ECE1: variants seen among roughly 807,000 people sequenced by gnomAD.
ECE1 encodes endothelin-converting enzyme 1.
ECE1 carries 35 observed loss-of-function variants against 98.6 expected under a neutral mutation model. The observed-to-expected ratio is 0.35, with a 90% confidence interval of 0.27 to 0.47. The LOEUF (loss-of-function observed/expected upper bound fraction) is 0.47, where lower values mean the gene tolerates loss of function less well. ECE1 is among the 20% of genes least tolerant of loss of function. The pLI is 1.00. For missense variants in ECE1, 814 were observed against 1,025.3 expected (o/e 0.79, Z 2.81); for synonymous variants, 394 against 407.1 (o/e 0.97, Z 0.39).
chr1:21,308,015 C>A (rs1638636814), intron 1 of ECE1, among the ~76,000 whole-genome samples: 1 of 152,142 alleles, frequency 6.6e-6, no homozygotes, highest in Non-Finnish European at 1.5e-5. Flanking sequence ...CTCAAAACCT[C>A]CCTGGCTCAC....
Position 21,225,272 on chromosome 1 carries a change from C to G in ECE1, c.2018G>C (p.Gly673Ala), listed in dbSNP as rs762116179. The change falls in exon 17 of 19, where the codon GGG becomes GCG. Residue 673 changes from glycine (G) to alanine (A), a missense_variant. Gly to Ala is a moderately conservative substitution (Grantham distance 60). Transcript: ENST00000374893. The surrounding 1 kb of genome is among the most constrained non-coding windows in gnomAD (Gnocchi z 5.3). ...CACCCGATAGGCCGCCTTGAGACCC[C>G]CGTTGTCGGCGATGTTCTCCCCCAG... ...HTLGENIADN[G>A]GLKAAYRAYQ... The G allele has an allele frequency of 6.2e-6, 10 of 1,614,056 alleles. No homozygotes were observed. In the South Asian group the frequency reaches 8.8e-5, roughly 14 times the overall value.
At chr1:21,273,777 C>T (rs566467039) in intron 3 of ECE1, among the ~76,000 whole-genome samples, 98 of 152,260 alleles carry the variant, frequency 6.4e-4, no homozygotes, top group Non-Finnish European at 1.3e-4. Context: ...ATCGTTTGAA[C>T]CCGGGAGATG....
In ECE1 at chr1:21,345,413, C is replaced by A; in HGVS notation, c.-35G>T. The A allele has an allele frequency of 7.5e-7, 1 of 1,324,714 alleles. No individual in the cohort carries two copies. Among genetic ancestry groups the A allele is most frequent in the Non-Finnish European group, 9.7e-7 (1 of 1,026,634 alleles). 82.1% of individuals were successfully genotyped at this position (1,324,714 alleles called of 1,614,324 possible). A position where few individuals can be genotyped will look rare whatever the true frequency, so the allele number is the denominator to read the frequency against. ...GCTCCGCCCCGGCTTCGCGCAGCTC[C>A]CCGCGCCCGGCTCCCGATTCCCAGC... On this transcript the variant is annotated 5_prime_UTR_variant, in exon 1 of 19. Coordinates refer to the ECE1 transcript ENST00000415912. The surrounding 1 kb of genome is among the most constrained non-coding windows in gnomAD (Gnocchi z 5.1).
rs10622861 is a variant in ECE1 at position 21,321,609 on chromosome 1, GGATT to G, written c.3+23763_3+23766del. Among the ~76,000 whole-genome samples the G allele has an allele frequency of 8.9e-3, 1,343 of 151,168 alleles. 19 individuals carry two copies. Among genetic ancestry groups the G allele is most frequent in the African/African-American group, 0.031 (1,276 of 40,996 alleles). ...ATTCTTTCTGCAGTCCTGTCACACA[GGATT>G]GATTGATTGATTGATTGATTGAGAT... On this transcript the variant is annotated intron_variant, in intron 1 of 18. Coordinates refer to the ECE1 transcript ENST00000415912.
In ECE1 at chr1:21,236,728, G is replaced by A. The variant is rs1194584212; in HGVS notation, c.1488+18C>T. On this transcript the variant is annotated intron_variant, in intron 12 of 18. Transcript: ENST00000374893. ...CTGGACGCCGCAGCACCCCCTCCAA[G>A]TGCCTGGCCAGCCTCACCTTTTCCT... 1 of 1,613,042 alleles carries A rather than the reference G, an allele frequency of 6.2e-7. No homozygotes were observed. Among genetic ancestry groups the A allele is most frequent in the Admixed American group, 1.7e-5 (1 of 59,994 alleles).
rs1441649120 is a variant in ECE1 at position 21,260,044 on chromosome 1, C to T, written c.615+227G>A. Among the ~76,000 whole-genome samples the T allele has an allele frequency of 6.6e-6, 1 of 152,276 alleles. No homozygotes were observed. Among genetic ancestry groups the T allele is most frequent in the Non-Finnish European group, 1.5e-5 (1 of 68,054 alleles). On this transcript the variant is annotated intron_variant, in intron 5 of 18. Transcript: ENST00000374893. This position sits in a 1 kb window ranked among gnomAD's most constrained non-coding sequence, Gnocchi z 4.3. The stretch of plus-strand genomic sequence containing the variant: ...GACATCTACAACAGATGCTGACACA[C>T]ACTCTCACACAAACACATGCACAGA...
chr1:21,244,461 A>G (rs544338604), intron 10 of ECE1, among the ~76,000 whole-genome samples: 1 of 152,192 alleles, frequency 6.6e-6, no homozygotes, highest in Admixed American at 6.5e-5. Context: ...TGGCTGTGGA[A>G]CTTTCCACTG....
rs1217988853 is a variant in ECE1, at chr1:21,327,396, G to A, written c.3+17980C>T. ...CCACTCCAATCAATCACCAGGCCCT[G>A]CCCACTCTACTCAGTTTCTCTGTCT... On this transcript the variant is annotated intron_variant, in intron 1 of 18. Transcript: ENST00000415912. The surrounding 1 kb of genome is among the most constrained non-coding windows in gnomAD (Gnocchi z 4.6). Among the ~76,000 whole-genome samples the A allele has an allele frequency of 6.6e-6, 1 of 152,154 alleles. No individual in the cohort carries two copies. Among genetic ancestry groups the A allele is most frequent in the African/African-American group, 2.4e-5 (1 of 41,450 alleles).
rs536063237 is a variant in ECE1 at position 21,338,611 on chromosome 1, C to T, written c.3+6765G>A. 1.4e-4 allele frequency among the ~76,000 whole-genome samples: 21 copies of T among 152,346 alleles called. 1 individual carries two copies. The South Asian group carries it at 3.3e-3, about 24-fold the overall frequency. On this transcript the variant is annotated intron_variant, in intron 1 of 18. Transcript: ENST00000415912. ...TCATCCTGCATGTCATTACTGAAGA[C>T]GGCCCTGGAGTCAGTCTGCTCCAGC...
chr1:21,294,121 G>A (rs527803754), upstream of ECE1: 10 of 152,522 alleles, frequency 6.6e-5, no homozygotes, highest in Non-Finnish European at 1.3e-4. The surrounding 1 kb of genome is among the most constrained non-coding windows in gnomAD (Gnocchi z 4.2). Context: ...CCCGAGCCCC[G>A]CGGCGAGAAA....
upstream of ECE1, among the ~76,000 whole-genome samples, chr1:21,290,752 G>T (rs213045): frequency 0.44 from 66,626 of 152,094 alleles, 18,573 homozygotes; most frequent in African/African-American, 0.8. The surrounding 1 kb of genome is among the most constrained non-coding windows in gnomAD (Gnocchi z 7.3). Flanking sequence ...TGCCCTCGAT[G>T]TGGCCCAGAG....
chr1:21,338,864 T>C (rs1639350122), intron 1 of ECE1, among the ~76,000 whole-genome samples: 1 of 152,180 alleles, frequency 6.6e-6, no homozygotes, highest in Non-Finnish European at 1.5e-5. Context: ...GACATGACTG[T>C]GTTTACGCTG....
intron 10 of ECE1, among the ~76,000 whole-genome samples, chr1:21,241,318 G>C (rs1404424243): frequency 6.6e-6 from 1 of 152,084 alleles, no homozygotes; most frequent in Non-Finnish European, 1.5e-5. Flanking sequence ...TTATAGGTGT[G>C]AGCCACCGCA....
Position 21,220,131 on chromosome 1 carries a change from C to T in ECE1, c.2137G>A (p.Val713Ile). The T allele has an allele frequency of 4.4e-6, 7 of 1,609,146 alleles. No homozygotes were observed. The South Asian group carries it at 7.7e-5, about 18-fold the overall frequency. ...TCAGGTGTGCGGACGGAGCACCAGA[C>T]CTTTGAAGGGGCAACAGGGAGAGGC... Reference protein sequence around the residue: ...NQLFFLGFAQVWCSVRTPESS... With the variant: ...NQLFFLGFAQIWCSVRTPESS... The change falls in exon 19 of 19, where the codon GTC becomes ATC. Residue 713 changes from valine to isoleucine, a missense_variant and splice_region_variant. Coordinates refer to ENST00000374893, the MANE Select transcript of ECE1 (RefSeq NM_001397.3). This position sits in a 1 kb window ranked among gnomAD's most constrained non-coding sequence, Gnocchi z 5.0.
chr1:21,246,371 C>T (rs1400654193), intron 9 of ECE1, among the ~76,000 whole-genome samples: 3 of 150,934 alleles, frequency 2.0e-5, no homozygotes, highest in African/African-American at 4.9e-5. Context: ...TGGTGGCAGG[C>T]GCCTATAATC....
chr1:21,323,015 G>T (rs3026828), intron 1 of ECE1, among the ~76,000 whole-genome samples: 1 of 152,162 alleles, frequency 6.6e-6, no homozygotes, highest in Admixed American at 6.5e-5. Context: ...TGCCCTGGCA[G>T]GACTGAGGAC....
chr1:21,325,446 C>A (rs1639057006), intron 1 of ECE1, among the ~76,000 whole-genome samples: 1 of 152,274 alleles, frequency 6.6e-6, no homozygotes, highest in Admixed American at 6.5e-5. Context: ...CCAGAAAGGG[C>A]ACTCCCTGCT....
intron 1 of ECE1, among the ~76,000 whole-genome samples, chr1:21,337,430 A>C (rs1639323179): frequency 6.6e-6 from 1 of 152,260 alleles, no homozygotes; most frequent in Non-Finnish European, 1.5e-5. Context: ...TGGAGGAGGC[A>C]CACGGGAACT....
intron 17 of ECE1, among the ~76,000 whole-genome samples, chr1:21,222,841 CAAAA>C (rs888811259): frequency 3.6e-5 from 1 of 27,788 alleles, no homozygotes; most frequent in African/African-American, 1.5e-4. Context: ...GACCCTGTCT[CAAAA>C]AAAAAAAAAA....
Sources: gnomAD v4.1 joint callset for allele counts (sites outside exome capture counted in the v4.1 genomes callset) on GRCh38, gnomAD v4.1.1 for gene constraint, Gnocchi (gnomAD v3.1) non-coding constraint, MANE v1.5 for transcripts, NCBI Gene and HGNC (gene_info 2026-07-23, HGNC 2026-07-21) for gene names.